SYN2: variants seen among roughly 807,000 people sequenced by gnomAD.
SYN2 encodes the protein synapsin II, also known as synapsin-2.
SYN2 carries 19 observed loss-of-function variants against 50.9 expected under a neutral mutation model. The observed-to-expected ratio is 0.37, with a 90% CI of 0.26 to 0.55. The LOEUF is 0.55. Ranked by LOEUF, SYN2 falls within the 20% of genes least tolerant of loss-of-function variation. The pLI is 0.81. For synonymous variants in SYN2, 255 were observed against 224.9 expected, an observed-to-expected ratio of 1.13 and a Z score of -1.20; for missense variants, 587 against 576.4, an observed-to-expected ratio of 1.02 and a Z score of -0.19.
In SYN2 at chr3:12,053,457, T is replaced by A. The variant is rs565671456; in HGVS notation, c.377+48529T>A. 6.0e-3 allele frequency among the ~76,000 whole-genome samples: 911 copies of A among 151,864 alleles called. 4 individuals are homozygous for A. Among genetic ancestry groups the A allele is most frequent in the Non-Finnish European group, 8.8e-3 (599 of 67,926 alleles). On this transcript the variant is annotated intron_variant, in intron 1 of 12. Transcript: ENST00000621198. ...AACAAAACAAAACAAAACAAAAAAA[T>A]ATATATAGATATGATTCTGATTGAT... is the stretch of plus-strand genomic sequence containing the variant.
At chr3:12,153,216 T>C in intron 5 of SYN2, 1 of 475,352 alleles carries the variant, frequency 2.1e-6, no homozygotes, top group Non-Finnish European at 3.9e-6. Context: ...AAAACACATA[T>C]TCCTGGGGAG....
chr3:12,111,363 T>G (rs1029261049), intron 1 of SYN2, among the ~76,000 whole-genome samples: 3 of 152,276 alleles, frequency 2.0e-5, no homozygotes, highest in Non-Finnish European at 4.4e-5. Context: ...CAGTCTCGGG[T>G]ATGTCTTTAT....
At chr3:12,028,277 G>A (rs532521379) in intron 1 of SYN2, among the ~76,000 whole-genome samples, 87 of 151,890 alleles carry the variant, frequency 5.7e-4, no homozygotes, top group South Asian at 1.3e-3. Context: ...GTCTATCATC[G>A]TTGGACATTT....
chr3:12,186,801 C>G (rs774140488), intron 11 of SYN2, among the ~76,000 whole-genome samples: 1 of 152,180 alleles, frequency 6.6e-6, no homozygotes, highest in Non-Finnish European at 1.5e-5. Context: ...AGAACTTGCT[C>G]AACCCTATTA....
At chr3:12,097,967 C>T (rs2125186929) in intron 1 of SYN2, among the ~76,000 whole-genome samples, 1 of 152,070 alleles carries the variant, frequency 6.6e-6, no homozygotes, top group East Asian at 1.9e-4. Context: ...AACAAACCGG[C>T]ATGTTGTGCA....
intron 1 of SYN2, among the ~76,000 whole-genome samples, chr3:12,128,885 A>G (rs1230468076): frequency 6.6e-6 from 1 of 152,164 alleles, no homozygotes; most frequent in Non-Finnish European, 1.5e-5. Context: ...TACTCATTCA[A>G]CAAACATTAG....
chr3:12,123,568 A>G (rs1311728098), intron 1 of SYN2, among the ~76,000 whole-genome samples: 1 of 152,188 alleles, frequency 6.6e-6, no homozygotes, highest in Non-Finnish European at 1.5e-5. Flanking sequence ...TGGGAGTTCA[A>G]GGCCAACCTA....
intron 10 of SYN2, among the ~76,000 whole-genome samples, chr3:12,182,860 C>T (rs998974625): frequency 2.6e-5 from 4 of 152,226 alleles, no homozygotes; most frequent in African/African-American, 9.6e-5. Flanking sequence ...GCTCACCTGC[C>T]CCTAGAGCCA....
At chr3:12,168,315 C>T (rs1697851532) in intron 8 of SYN2, 61 bp from the exon 9 acceptor site, 2 of 1,420,322 alleles carry the variant, frequency 1.4e-6, no homozygotes, top group Non-Finnish European at 2.0e-6. Context: ...GCCTGACTGG[C>T]AAGCAAGCTT....
At chr3:12,082,015 C>G (rs930794375) in intron 1 of SYN2, among the ~76,000 whole-genome samples, 5 of 152,176 alleles carry the variant, frequency 3.3e-5, no homozygotes, top group African/African-American at 1.2e-4. Flanking sequence ...ATCCCCAGAA[C>G]CACCCCCATT....
intron 1 of SYN2, among the ~76,000 whole-genome samples, chr3:12,107,112 T>G (rs1348066297): frequency 3.3e-5 from 5 of 152,154 alleles, no homozygotes; most frequent in African/African-American, 1.2e-4. Flanking sequence ...ACTGTTCAAC[T>G]GTTCAAGCAT....
Position 12,032,057 on chromosome 3 carries a change from C to T in SYN2, c.377+27129C>T, listed in dbSNP as rs1239261308. The stretch of plus-strand genomic sequence containing the variant: ...CCATGTTTAGCGCTTCCTTGAGGAG[C>T]TCTTTTAGGGCAGGCCTGGTGGTGA... On this transcript the variant is annotated intron_variant, in intron 1 of 12. Transcript: ENST00000621198. Among the ~76,000 whole-genome samples the T allele has an allele frequency of 2.5e-3, 301 of 121,620 alleles. 5 individuals are homozygous for T. The highest frequency in any genetic ancestry group is 6.8e-3 in the African/African-American group (258 of 37,718). The allele number at this position is 121,620 out of a possible 152,430, so 79.8% of individuals were successfully genotyped here.
intron 4 of SYN2, among the ~76,000 whole-genome samples, chr3:12,147,163 T>C (rs1232194920): frequency 6.6e-6 from 1 of 152,182 alleles, no homozygotes; most frequent in Admixed American, 6.5e-5. Flanking sequence ...TCCACGCCTT[T>C]ACACCACTCA....
At chr3:12,124,124 G>A (rs934403457) in intron 1 of SYN2, among the ~76,000 whole-genome samples, 14 of 152,118 alleles carry the variant, frequency 9.2e-5, no homozygotes, top group Non-Finnish European at 2.9e-5. Context: ...AAGTAGTGAC[G>A]TGAAAAAATC....
At chr3:12,139,523 ACACCATTTTCAATTCT>A (rs1171276083) in intron 1 of SYN2, among the ~76,000 whole-genome samples, 2 of 152,180 alleles carry the variant, frequency 1.3e-5, no homozygotes, top group African/African-American at 4.8e-5. Flanking sequence ...GGCCTTGAAT[ACACCATTTTCAATTCT>A]GAATCTTGGT....
intron 1 of SYN2, among the ~76,000 whole-genome samples, chr3:12,073,761 T>A (rs1695413301): frequency 6.6e-6 from 1 of 152,196 alleles, no homozygotes; most frequent in Non-Finnish European, 1.5e-5. Flanking sequence ...AGGGTGACTT[T>A]ATGAGCCTTG....
At position 12,050,568 on chromosome 3, in the gene SYN2, A is replaced by G. The variant is rs1025011814; in HGVS notation, c.377+45640A>G. ...ACCATATTGGCTAGGCTGGTCTTGC[A>G]CTCCTGACCTCGTGATCTGTCGGCC... On this transcript the variant is annotated intron_variant, in intron 1 of 12. Coordinates refer to ENST00000621198, the MANE Select transcript of SYN2 (RefSeq NM_133625.6). Among the ~76,000 whole-genome samples, 6 of 148,254 alleles carry G rather than the reference A, an allele frequency of 4.0e-5. 1 individual carries two copies. The East Asian group carries it at 8.2e-4, about 20-fold the overall frequency.
At chr3:12,008,775 G>A (rs896024032) in intron 1 of SYN2, among the ~76,000 whole-genome samples, 1 of 152,212 alleles carries the variant, frequency 6.6e-6, no homozygotes, top group Non-Finnish European at 1.5e-5. Context: ...GGAATGGAAG[G>A]TTTCTCGGAA....
chr3:12,124,218 A>G (rs752949544), intron 1 of SYN2, among the ~76,000 whole-genome samples: 4 of 152,162 alleles, frequency 2.6e-5, no homozygotes, highest in Non-Finnish European at 5.9e-5. Flanking sequence ...GACTGTACAA[A>G]GTAATAAAAA....
Sources: gnomAD v4.1 joint callset for allele counts (sites outside exome capture counted in the v4.1 genomes callset) on GRCh38, gnomAD v4.1.1 for gene constraint, MANE v1.5 for transcripts, NCBI Gene and HGNC (gene_info 2026-07-23, HGNC 2026-07-21) for gene names.